Variants in PCDHGA4 observed in about 807,000 individuals in gnomAD.
PCDHGA4 encodes the protein protocadherin gamma-A4.
A neutral mutation model predicts 54.6 loss-of-function variants in PCDHGA4; 38 were observed. The ratio of observed to expected loss-of-function variants is 0.70; its 90% confidence interval spans 0.54 to 0.91. The LOEUF (loss-of-function observed/expected upper bound fraction) is 0.91. Among genes scored for constraint, PCDHGA4 ranks in the 40% least tolerant of loss-of-function variants. The pLI, the probability that PCDHGA4 is intolerant of heterozygous loss-of-function variation, is 0.00. For synonymous variants in PCDHGA4, 511 were observed against 512.9 expected (o/e 1.00, Z 0.05); for missense variants, 1,298 against 1,220.9 (o/e 1.06, Z -0.94).
intron 1 of PCDHGA4, chr5:141,422,304 A>G: frequency 6.5e-7 from 1 of 1,548,524 alleles, no homozygotes; most frequent in Non-Finnish European, 8.7e-7. Context: ...CAATTCTGGA[A>G]AACTCTCCTC....
chr5:141,390,064 C>T, intron 1 of PCDHGA4: 1 of 1,614,060 alleles, frequency 6.2e-7, no homozygotes. Flanking sequence ...TGCTTCCAGC[C>T]TGGTCTCTGT....
chr5:141,364,059 A>G (rs951709303), intron 1 of PCDHGA4, among the ~76,000 whole-genome samples: 1 of 152,254 alleles, frequency 6.6e-6, no homozygotes, highest in African/African-American at 2.4e-5. Flanking sequence ...AAATAAAATT[A>G]TAACTAAACT....
rs772000812 is a variant in PCDHGA4, at chr5:141,478,304, C to T, written c.2515-16503C>T. The T allele has an allele frequency of 8.1e-6, 13 of 1,614,108 alleles. No individual in the cohort carries two copies. In the Middle Eastern group the frequency reaches 1.2e-3, roughly 143 times the overall value. On this transcript the variant is annotated intron_variant, in intron 1 of 3. Coordinates refer to ENST00000571252, the MANE Select transcript of PCDHGA4 (RefSeq NM_018917.4). The stretch of plus-strand genomic sequence containing the variant: ...GCAGTCTAGAGACCTATACCGAGCC[C>T]CGGTGAGCTCACTGTACCGAACACC...
In PCDHGA4 at chr5:141,373,351, T is replaced by A. The variant is rs147280674; in HGVS notation, c.2514+15730T>A. Among the ~76,000 whole-genome samples, 5 of 152,328 alleles carry A rather than the reference T, an allele frequency of 3.3e-5. No homozygotes were observed. In the East Asian group the frequency reaches 7.7e-4, roughly 23 times the overall value. On this transcript the variant is annotated intron_variant, in intron 1 of 3. Transcript: ENST00000571252. ...GCATCTAAAATGGCAACTCTTGTAA[T>A]GGGCACTGTAATGAATTGGTTCAAA...
At chr5:141,463,831 C>T (rs2099070299) in intron 1 of PCDHGA4, among the ~76,000 whole-genome samples, 1 of 152,174 alleles carries the variant, frequency 6.6e-6, no homozygotes, top group African/African-American at 2.4e-5. Flanking sequence ...TGATCCACTT[C>T]CCAGTTGTTA....
At chr5:141,376,410 C>T (rs1042594456) in intron 1 of PCDHGA4, 20 of 1,614,226 alleles carry the variant, frequency 1.2e-5, no homozygotes, top group Non-Finnish European at 1.7e-5. Flanking sequence ...CCCAACTATG[C>T]CGACACGCTT....
At chr5:141,452,421 C>A (rs1211472567) in intron 1 of PCDHGA4, among the ~76,000 whole-genome samples, 2 of 152,180 alleles carry the variant, frequency 1.3e-5, no homozygotes, top group Non-Finnish European at 2.9e-5. Context: ...ATGCTCACTG[C>A]TAATGGGCTG....
intron 2 of PCDHGA4, among the ~76,000 whole-genome samples, chr5:141,504,572 A>G (rs184273457): frequency 6.7e-6 from 1 of 148,962 alleles, no homozygotes; most frequent in Admixed American, 6.9e-5. Flanking sequence ...TCTAGGGAAC[A>G]CCATCTGCCC....
chr5:141,362,255 T>C, intron 1 of PCDHGA4: 5 of 1,614,020 alleles, frequency 3.1e-6, no homozygotes, highest in Non-Finnish European at 4.2e-6. Flanking sequence ...TTCCTCGCGG[T>C]GATTCTGGCA....
At position 141,477,706 on chromosome 5, in the gene PCDHGA4, G is replaced by A. The variant is rs1490514142; in HGVS notation, c.2515-17101G>A. 6 of 1,613,988 alleles carry A rather than the reference G, an allele frequency of 3.7e-6. No homozygotes were observed. Among genetic ancestry groups the A allele is most frequent in the Non-Finnish European group, 5.1e-6 (6 of 1,180,044 alleles). ...TAGTGCCCCTAGACTATGAGGATCGGCGGGAATTTGAATTAACAGCTCATA... is the reference window on the plus strand; with the variant it reads ...TAGTGCCCCTAGACTATGAGGATCGACGGGAATTTGAATTAACAGCTCATA... On this transcript the variant is annotated intron_variant, in intron 1 of 3. Transcript: ENST00000571252. This position sits in a 1 kb window ranked among gnomAD's most constrained non-coding sequence, Gnocchi z 4.9.
At chr5:141,397,395 C>G (rs1382237446) in intron 1 of PCDHGA4, among the ~76,000 whole-genome samples, 1 of 152,048 alleles carries the variant, frequency 6.6e-6, no homozygotes, top group Non-Finnish European at 1.5e-5. Flanking sequence ...ATTGCCACAA[C>G]TTTACAAAAT....
At chr5:141,400,883 A>G (rs1017003447) in intron 1 of PCDHGA4, among the ~76,000 whole-genome samples, 1 of 152,232 alleles carries the variant, frequency 6.6e-6, no homozygotes, top group Non-Finnish European at 1.5e-5. Flanking sequence ...AATTTAATGT[A>G]TGTAATCATT....
intron 1 of PCDHGA4, chr5:141,424,126 G>C: frequency 9.3e-6 from 5 of 538,222 alleles, no homozygotes; most frequent in Non-Finnish European, 1.2e-5. Flanking sequence ...TGATCCTGTT[G>C]ATTTAATAGC....
rs768354664 is a variant in PCDHGA4 at position 141,485,690 on chromosome 5, A to C, written c.2515-9117A>C. On this transcript the variant is annotated intron_variant, in intron 1 of 3. Coordinates refer to ENST00000571252, the MANE Select transcript of PCDHGA4 (RefSeq NM_018917.4). This position sits in a 1 kb window ranked among gnomAD's most constrained non-coding sequence, Gnocchi z 5.7. ...CAATTCGATTAGCAGCTATAGGCTG[A>C]GCTCCAATGAACACTTTGCACTGGA... 1.6e-5 allele frequency: 26 copies of C among 1,614,106 alleles called. No individual in the cohort carries two copies. In the South Asian group the frequency reaches 2.7e-4, roughly 17 times the overall value.
chr5:141,477,427 C>T lies in PCDHGA4; in HGVS notation c.2515-17380C>T. On this transcript the variant is annotated intron_variant, in intron 1 of 3. Coordinates refer to ENST00000571252, the MANE Select transcript of PCDHGA4 (RefSeq NM_018917.4). The surrounding 1 kb of genome is among the most constrained non-coding windows in gnomAD (Gnocchi z 4.9). ...CCCGAGACGCCGGAACCCCTTCCCT[C>T]TCAGCCCTTACAATAGTGCGTGTTC... The T allele has an allele frequency of 6.2e-7, 1 of 1,614,220 alleles. No homozygotes were observed. The highest frequency in any genetic ancestry group is 8.5e-7 in the Non-Finnish European group (1 of 1,180,046).
intron 1 of PCDHGA4, chr5:141,374,688 G>C (rs750510871): frequency 1.9e-6 from 3 of 1,609,410 alleles, no homozygotes; most frequent in Admixed American, 1.7e-5. Flanking sequence ...ACACTGGACC[G>C]GGAAGGAGAA....
intron 3 of PCDHGA4, 62 bp downstream of exon 3, chr5:141,505,543 C>T: frequency 6.2e-7 from 1 of 1,609,636 alleles, no homozygotes; most frequent in Non-Finnish European, 8.5e-7. Flanking sequence ...GTGCATCTCA[C>T]AGCCACCATG....
At chr5:141,419,088 T>C in intron 1 of PCDHGA4, 3 of 1,613,940 alleles carry the variant, frequency 1.9e-6, no homozygotes, top group Non-Finnish European at 2.5e-6. Context: ...GATGAGGCCC[T>C]GGATCGGGAG....
In PCDHGA4 at chr5:141,355,378, G is replaced by C. The variant is rs371945703; in HGVS notation, c.271G>C (p.Ala91Pro). The C allele has an allele frequency of 3.1e-5, 50 of 1,613,924 alleles. No homozygotes were observed. The highest frequency in any genetic ancestry group is 4.1e-5 in the Non-Finnish European group (48 of 1,179,920). The change falls in exon 1 of 4, where the codon GCG becomes CCG. Residue 91 changes from alanine to proline, a missense_variant. By Grantham distance (27) the Ala-to-Pro change is conservative. Transcript: ENST00000571252. ...CCTGGGGTTGGCGCCCCGGGAGCTG[G>C]CGGAGCGCGGAGTCCGCATCGTCTC... ...KDLGLAPREL[A>P]ERGVRIVSRG...
Sources: allele counts gnomAD v4.1 joint callset (sites outside exome capture counted in the v4.1 genomes callset), GRCh38; gene constraint gnomAD v4.1.1; non-coding constraint Gnocchi (gnomAD v3.1); transcripts MANE v1.5; gene names NCBI Gene and HGNC (gene_info 2026-07-23, HGNC 2026-07-21).